Variants in F2RL1 observed in about 807,000 individuals in gnomAD.
F2RL1 encodes the protein proteinase-activated receptor 2.
In F2RL1, 16 loss-of-function variants were observed where a neutral mutation model predicts 21.7. The ratio of observed to expected loss-of-function variants is 0.74; its 90% confidence interval spans 0.50 to 1.12. The LOEUF (loss-of-function observed/expected upper bound fraction) is 1.12. Among genes scored for constraint, F2RL1 ranks in the 50% most tolerant of loss-of-function variants. The pLI is 0.00. For synonymous variants in F2RL1, 181 were observed against 186.7 expected, an observed-to-expected ratio of 0.97 and a Z score of 0.25; for missense variants, 432 against 477.8, an observed-to-expected ratio of 0.90 and a Z score of 0.89.
intron 1 of F2RL1, among the ~76,000 whole-genome samples, chr5:76,820,493 C>A (rs1338119441): frequency 6.6e-6 from 1 of 152,016 alleles, no homozygotes; most frequent in Non-Finnish European, 1.5e-5. Context: ...CTGTGCACCG[C>A]TGGTATATTT....
rs114618359 is a variant in F2RL1, at chr5:76,833,725, C to T, written c.1118C>T (p.Ser373Phe). 69 of 1,613,972 alleles carry T rather than the reference C, an allele frequency of 4.3e-5. No individual in the cohort carries two copies. The East Asian group carries it at 6.9e-4, about 16-fold the overall frequency. The change falls in exon 2 of 2, where the codon TCC becomes TTC. Residue 373 changes from serine (S) to phenylalanine (F), a missense_variant. Ser to Phe is a radical substitution (Grantham distance 155). Transcript: ENST00000296677. ...CGCACTGTAAAGCAGATGCAAGTAT[C>T]CCTCACCTCAAAGAAACACTCCAGG... is the stretch of plus-strand genomic sequence containing the variant. ...SVRTVKQMQV[S>F]LTSKKHSRKS...
rs759547892 is a variant in F2RL1 at position 76,819,269 on chromosome 5, G to A, written c.82+5G>A. Reference sequence around the variant, plus strand: ...CCTGCAGTGGCACCATCCAAGGTGAGAAACCTGGCCAAGGAGGGCTCTTAT... The same window carrying A: ...CCTGCAGTGGCACCATCCAAGGTGAAAAACCTGGCCAAGGAGGGCTCTTAT... On this transcript the variant is annotated splice_donor_5th_base_variant and intron_variant, in intron 1 of 1. Coordinates refer to ENST00000296677, the MANE Select transcript of F2RL1 (RefSeq NM_005242.6). 6.3e-7 allele frequency: 1 copy of A among 1,587,588 alleles called. No individual in the cohort carries two copies. The highest frequency in any genetic ancestry group is 1.7e-5 in the Admixed American group (1 of 57,556).
At chr5:76,825,682 A>T (rs1750226152) in intron 1 of F2RL1, among the ~76,000 whole-genome samples, 1 of 152,092 alleles carries the variant, frequency 6.6e-6, no homozygotes, top group Non-Finnish European at 1.5e-5. Context: ...AAGCTCTGTG[A>T]GTTTTGGTGA....
chr5:76,834,023 G>A lies in F2RL1; in HGVS notation c.*222G>A, dbSNP rs1380055575. 2 of 483,662 alleles carry A rather than the reference G, an allele frequency of 4.1e-6. No homozygotes were observed. Among genetic ancestry groups the A allele is most frequent in the Non-Finnish European group, 7.2e-6 (2 of 277,062 alleles). 30.0% of individuals were successfully genotyped at this position (483,662 alleles called of 1,614,324 possible). On this transcript the variant is annotated 3_prime_UTR_variant, in exon 2 of 2. Transcript: ENST00000296677. ...GAATCTCTCTACTCAGATGACCCCA[G>A]AAACTGAACCAACAGAAGCAGACTT...
chr5:76,820,163 GTGC>G (rs1750105603), intron 1 of F2RL1, among the ~76,000 whole-genome samples: 1 of 152,166 alleles, frequency 6.6e-6, no homozygotes, highest in Non-Finnish European at 1.5e-5. Context: ...TTCCTTGGAT[GTGC>G]TGCTCCGGGT....
At chr5:76,822,018 A>G (rs1429826219) in intron 1 of F2RL1, among the ~76,000 whole-genome samples, 4 of 152,242 alleles carry the variant, frequency 2.6e-5, no homozygotes, top group African/African-American at 4.8e-5. Flanking sequence ...TTCGGCTTAT[A>G]TATTTTCCCA....
In F2RL1 at chr5:76,833,333, C is replaced by T; in HGVS notation, c.726C>T (p.Tyr242=). The T allele has an allele frequency of 6.2e-7, 1 of 1,614,020 alleles. No individual in the cohort carries two copies. Among genetic ancestry groups the T allele is most frequent in the Non-Finnish European group, 8.5e-7 (1 of 1,180,028 alleles). Residue 242 remains tyrosine, a synonymous_variant, in exon 2 of 2, where the codon TAC becomes TAT. Coordinates refer to ENST00000296677, the MANE Select transcript of F2RL1 (RefSeq NM_005242.6). ...EQLLVGDMFN[Y]FLSLAIGVFL... is the part of the protein sequence containing the mutation. ...TCTTGGTGGGAGACATGTTCAATTA[C>T]TTCCTCTCTCTGGCCATTGGGGTCT...
At chr5:76,828,783 C>T (rs1013659003) in intron 1 of F2RL1, among the ~76,000 whole-genome samples, 4 of 151,976 alleles carry the variant, frequency 2.6e-5, no homozygotes, top group Non-Finnish European at 4.4e-5. Flanking sequence ...CATGAACAAC[C>T]GTGCCTGGCT....
intron 1 of F2RL1, among the ~76,000 whole-genome samples, chr5:76,824,111 C>T (rs1412950016): frequency 6.6e-6 from 1 of 151,096 alleles, no homozygotes; most frequent in African/African-American, 2.4e-5. Flanking sequence ...TGCGCCGACC[C>T]TGTACAAACT....
chr5:76,830,041 T>C (rs534199127), intron 1 of F2RL1, among the ~76,000 whole-genome samples: 35 of 152,250 alleles, frequency 2.3e-4, no homozygotes, highest in African/African-American at 8.4e-4. Flanking sequence ...AAACAACACA[T>C]TTATTCTGTC....
Position 76,833,675 on chromosome 5 carries a change from G to T in F2RL1, c.1068G>T (p.Lys356Asn). 1 of 1,613,954 alleles carries T rather than the reference G, an allele frequency of 6.2e-7. No homozygotes were observed. Among genetic ancestry groups the T allele is most frequent in the Non-Finnish European group, 8.5e-7 (1 of 1,179,990 alleles). ...FVSHDFRDHA[K>N]NALLCRSVRT... ...CACATGATTTCAGGGATCATGCAAA[G>T]AACGCTCTCCTTTGCCGAAGTGTCC... Residue 356 changes from lysine to asparagine, a missense_variant, in exon 2 of 2, where the codon AAG becomes AAT. By Grantham distance (94) the Lys-to-Asn change is moderately conservative (BLOSUM62 0). Transcript: ENST00000296677.
Position 76,834,752 on chromosome 5 carries a change from T to G in F2RL1, c.*951T>G, listed in dbSNP as rs1005296192. Reference sequence around the variant, plus strand: ...GTGGTACAAACCTGCATGGTGTTTATGCACACAGAGATTTGAGAACCATTG... The same window carrying G: ...GTGGTACAAACCTGCATGGTGTTTAGGCACACAGAGATTTGAGAACCATTG... On this transcript the variant is annotated 3_prime_UTR_variant, in exon 2 of 2. Coordinates refer to ENST00000296677, the MANE Select transcript of F2RL1 (RefSeq NM_005242.6). 6.6e-6 allele frequency: 1 copy of G among 152,240 alleles called. No homozygotes were observed. The highest frequency in any genetic ancestry group is 1.5e-5 in the Non-Finnish European group (1 of 68,040). The allele number at this position is 152,240 out of a possible 1,614,324, so 9.4% of individuals were successfully genotyped here.
At chr5:76,821,273 T>C (rs998394129) in intron 1 of F2RL1, among the ~76,000 whole-genome samples, 5 of 152,198 alleles carry the variant, frequency 3.3e-5, no homozygotes, top group African/African-American at 1.2e-4. Context: ...TGGGTAAACA[T>C]GCTTAATATG....
At chr5:76,819,950 G>C (rs1246853686) in intron 1 of F2RL1, among the ~76,000 whole-genome samples, 1 of 152,158 alleles carries the variant, frequency 6.6e-6, no homozygotes, top group Non-Finnish European at 1.5e-5. Flanking sequence ...GGTAATGAGC[G>C]CTCAGGCCCG....
At chr5:76,823,656 G>T (rs963055960) in intron 1 of F2RL1, among the ~76,000 whole-genome samples, 2 of 151,906 alleles carry the variant, frequency 1.3e-5, no homozygotes, top group Non-Finnish European at 2.9e-5. Context: ...TGGGATTATA[G>T]GTGTGAGTCA....
intron 1 of F2RL1, among the ~76,000 whole-genome samples, chr5:76,823,541 G>A (rs991123981): frequency 6.6e-6 from 1 of 151,800 alleles, no homozygotes; most frequent in Non-Finnish European, 1.5e-5. Flanking sequence ...AACACCTCCA[G>A]CTAATTTTTG....
At chr5:76,820,794 GA>G (rs1750118747) in intron 1 of F2RL1, among the ~76,000 whole-genome samples, 1 of 152,044 alleles carries the variant, frequency 6.6e-6, no homozygotes. Flanking sequence ...TAACAATAAG[GA>G]AAAATCAGGT....
intron 1 of F2RL1, among the ~76,000 whole-genome samples, chr5:76,823,526 G>C (rs1010194773): frequency 1.3e-5 from 2 of 151,692 alleles, no homozygotes; most frequent in African/African-American, 4.8e-5. Flanking sequence ...TTACAGATGC[G>C]CGCCAACACC....
rs1208963623 is a variant in F2RL1 at position 76,833,343 on chromosome 5, C to G, written c.736C>G (p.Leu246Val). The change falls in exon 2 of 2, where the codon CTG (leucine) becomes GTG (valine). Residue 246 changes from leucine (L) to valine (V), a missense_variant. Leu to Val is a conservative substitution (Grantham distance 32). Coordinates refer to ENST00000296677, the MANE Select transcript of F2RL1 (RefSeq NM_005242.6). ...AGACATGTTCAATTACTTCCTCTCT[C>G]TGGCCATTGGGGTCTTTCTGTTCCC... ...VGDMFNYFLS[L>V]AIGVFLFPAF... 5 of 1,613,908 alleles carry G rather than the reference C, an allele frequency of 3.1e-6. No homozygotes were observed. The highest frequency in any genetic ancestry group is 4.2e-6 in the Non-Finnish European group (5 of 1,180,038).
Sources: allele counts gnomAD v4.1 joint callset (sites outside exome capture counted in the v4.1 genomes callset), GRCh38; gene constraint gnomAD v4.1.1; transcripts MANE v1.5; gene names NCBI Gene and HGNC (gene_info 2026-07-23, HGNC 2026-07-21).